Variants in CNTNAP2 observed in about 807,000 individuals in gnomAD.
The protein encoded by CNTNAP2 is contactin associated protein 2.
Under a neutral mutation model 155.2 loss-of-function variants are expected in CNTNAP2, and 98 were observed. The observed-to-expected ratio is 0.63, with a 90% CI of 0.54 to 0.75. CNTNAP2 has a LOEUF of 0.75. CNTNAP2 is among the 30% of genes least tolerant of loss of function. The probability of loss-of-function intolerance (pLI) is 0.00; values close to 1 mark genes in which losing one functional copy is unlikely to be tolerated. For missense variants in CNTNAP2, 1,727 were observed against 1,688.1 expected (o/e 1.02, Z -0.40); for synonymous variants, 651 against 631.2 (o/e 1.03, Z -0.47).
At chr7:146,799,232 G>A (rs1336822261) in intron 2 of CNTNAP2, among the ~76,000 whole-genome samples, 1 of 151,910 alleles carries the variant, frequency 6.6e-6, no homozygotes, top group Non-Finnish European at 1.5e-5. Flanking sequence ...TAGAATCTGG[G>A]GACCTTCCCT....
At chr7:147,948,388 A>G (rs9655723) in intron 14 of CNTNAP2, among the ~76,000 whole-genome samples, 32,134 of 151,786 alleles carry the variant, frequency 0.21, 4,186 homozygotes, top group South Asian at 0.34. Context: ...CTTATTTCAC[A>G]TTGCATGCCT....
At chr7:146,862,030 T>G (rs1795112056) in intron 3 of CNTNAP2, among the ~76,000 whole-genome samples, 2 of 152,130 alleles carry the variant, frequency 1.3e-5, no homozygotes, top group Admixed American at 1.3e-4. Context: ...TCCTCTTGTA[T>G]AAAGGCTAAC....
intron 5 of CNTNAP2, among the ~76,000 whole-genome samples, chr7:147,110,041 C>CACTTA (rs1354004110): frequency 1.3e-5 from 2 of 152,248 alleles, no homozygotes; most frequent in African/African-American, 4.8e-5. Context: ...GCTCCTGCCT[C>CACTTA]AGCCTCCCGA....
chr7:146,698,711 C>A (rs995978765), intron 1 of CNTNAP2, among the ~76,000 whole-genome samples: 8 of 151,932 alleles, frequency 5.3e-5, no homozygotes, highest in Non-Finnish European at 1.0e-4. Context: ...TCCTTCTGTT[C>A]CTTTCTCTCT....
chr7:146,417,612 A>G (rs1437726832), intron 1 of CNTNAP2, among the ~76,000 whole-genome samples: 1 of 151,736 alleles, frequency 6.6e-6, no homozygotes, highest in African/African-American at 2.4e-5. Flanking sequence ...AATCTGTGAT[A>G]GTTTTTAATC....
intron 17 of CNTNAP2, among the ~76,000 whole-genome samples, chr7:148,159,867 CT>C (rs1185858818): frequency 6.6e-6 from 1 of 152,082 alleles, no homozygotes; most frequent in Non-Finnish European, 1.5e-5. Context: ...TTTATTGTTC[CT>C]TGTACCAGTA....
intron 1 of CNTNAP2, 66 bp downstream of exon 1, chr7:146,117,039 G>T: frequency 7.3e-7 from 1 of 1,368,770 alleles, no homozygotes; most frequent in Non-Finnish European, 1.0e-6. Flanking sequence ...TTGGCACCAG[G>T]GTATCAACTC....
At chr7:147,988,411 A>G (rs1801654797) in intron 15 of CNTNAP2, among the ~76,000 whole-genome samples, 1 of 152,188 alleles carries the variant, frequency 6.6e-6, no homozygotes, top group Admixed American at 6.5e-5. Context: ...ATTTCAAAAT[A>G]TGGCTAAGAA....
chr7:146,204,176 T>G (rs974699516), intron 1 of CNTNAP2, among the ~76,000 whole-genome samples: 2 of 152,120 alleles, frequency 1.3e-5, no homozygotes, highest in African/African-American at 4.8e-5. Flanking sequence ...AATTATCTAT[T>G]CTAAGATTAA....
At chr7:146,205,832 CTTAAGA>C (rs1798938371) in intron 1 of CNTNAP2, among the ~76,000 whole-genome samples, 3 of 151,510 alleles carry the variant, frequency 2.0e-5, no homozygotes, top group Non-Finnish European at 3.0e-5. Context: ...TTTTTTGTTC[CTTAAGA>C]TTAAGTTTTG....
chr7:146,980,024 G>T (rs556119247), intron 3 of CNTNAP2, among the ~76,000 whole-genome samples: 12 of 152,260 alleles, frequency 7.9e-5, no homozygotes, highest in Admixed American at 7.2e-4. Flanking sequence ...TTTCCAGGTG[G>T]ATGTCCTAGT....
At chr7:147,976,055 T>A (rs572508484) in intron 14 of CNTNAP2, among the ~76,000 whole-genome samples, 9 of 152,314 alleles carry the variant, frequency 5.9e-5, no homozygotes, top group Middle Eastern at 6.8e-3. Context: ...TCAATAAAAC[T>A]TTTTTATGAA....
rs558444096 is a variant in CNTNAP2, at chr7:146,136,139, C to T, written c.97+19166C>T. 1.7e-4 allele frequency among the ~76,000 whole-genome samples: 26 copies of T among 152,136 alleles called. 1 individual carries two copies. The South Asian group carries it at 3.3e-3, about 19-fold the overall frequency. On this transcript the variant is annotated intron_variant, in intron 1 of 23. Transcript: ENST00000361727. ...AATAAAAAGCATTTCCACACATGAG[C>T]AAATGTATCAAAAAAAGTCTAAGAA...
At chr7:146,586,537 A>G (rs753609846) in intron 1 of CNTNAP2, among the ~76,000 whole-genome samples, 1 of 151,572 alleles carries the variant, frequency 6.6e-6, no homozygotes, top group Admixed American at 6.6e-5. Flanking sequence ...TTACACACAC[A>G]TACACACACA....
chr7:146,473,243 T>C (rs966782358), intron 1 of CNTNAP2, among the ~76,000 whole-genome samples: 5 of 152,092 alleles, frequency 3.3e-5, no homozygotes, highest in Non-Finnish European at 5.9e-5. Context: ...TAGACAATTC[T>C]AGAAGCACAA....
intron 3 of CNTNAP2, among the ~76,000 whole-genome samples, chr7:146,898,983 A>G (rs1200226486): frequency 6.6e-6 from 1 of 152,126 alleles, no homozygotes; most frequent in Non-Finnish European, 1.5e-5. Context: ...TTTAAATTCA[A>G]TGAAACCATT....
chr7:146,143,740 T>C (rs1159196465), intron 1 of CNTNAP2, among the ~76,000 whole-genome samples: 2 of 152,084 alleles, frequency 1.3e-5, no homozygotes, highest in Non-Finnish European at 2.9e-5. Context: ...CTTCTTACTT[T>C]AGAGTATCAT....
intron 21 of CNTNAP2, among the ~76,000 whole-genome samples, chr7:148,325,005 AC>A: frequency 6.6e-6 from 1 of 152,324 alleles, no homozygotes; most frequent in South Asian, 2.1e-4. Flanking sequence ...TTGTGTTGAA[AC>A]CATTGAAAAT....
chr7:148,154,325 A>G (rs1397151642), intron 17 of CNTNAP2, among the ~76,000 whole-genome samples: 1 of 152,134 alleles, frequency 6.6e-6, no homozygotes, highest in Non-Finnish European at 1.5e-5. Flanking sequence ...TGGCAACCTG[A>G]GTTTATGGAA....
Sources: gnomAD v4.1 joint callset for allele counts (sites outside exome capture counted in the v4.1 genomes callset) on GRCh38, gnomAD v4.1.1 for gene constraint, MANE v1.5 for transcripts, NCBI Gene and HGNC (gene_info 2026-07-23, HGNC 2026-07-21) for gene names.